Variants in EYS observed in about 807,000 individuals in gnomAD.
EYS encodes the protein protein eyes shut homolog.
EYS carries 250 observed loss-of-function variants against 282.1 expected under a neutral mutation model. The ratio of observed to expected loss-of-function variants is 0.89; its 90% CI spans 0.80 to 0.98. The LOEUF is 0.98. Ranked by LOEUF, EYS falls within the 50% of genes least tolerant of loss-of-function variation. EYS has a pLI of 0.00. For synonymous variants in EYS, 1,355 were observed against 1,282.9 expected (o/e 1.06, Z -1.20); for missense variants, 4,016 against 3,709.0 (o/e 1.08, Z -2.15).
Position 64,498,857 on chromosome 6 carries a change from G to T in EYS, c.5645-59505C>A, listed in dbSNP as rs1487055794. On this transcript the variant is annotated intron_variant, in intron 26 of 42. Transcript: ENST00000503581. ...ATATGTGCCACATTTTCTTTATCCA[G>T]TCTATCATTAGTGGGCACTGGGTTG... is the stretch of plus-strand genomic sequence containing the variant. Among the ~76,000 whole-genome samples the T allele has an allele frequency of 3.3e-5, 5 of 152,188 alleles. No homozygotes were observed. In the East Asian group the frequency reaches 9.7e-4, roughly 29 times the overall value.
At chr6:63,800,630 C>T (rs890593952) in intron 37 of EYS, among the ~76,000 whole-genome samples, 5 of 151,982 alleles carry the variant, frequency 3.3e-5, no homozygotes, top group East Asian at 1.9e-4. Context: ...GATGAAACCG[C>T]GTCTCTATTA....
In EYS at chr6:65,007,831, A is replaced by G. The variant is rs184295149; in HGVS notation, c.2138-10128T>C. On this transcript the variant is annotated intron_variant, in intron 13 of 42. Coordinates refer to ENST00000503581, the MANE Select transcript of EYS (RefSeq NM_001142800.2). ...AAAGCAAATTAAAATAGACCTAGGT[A>G]AATTCTCAGATAACCCTGATGGCTA... Among the ~76,000 whole-genome samples, 283 of 152,334 alleles carry G rather than the reference A, an allele frequency of 1.9e-3. 2 individuals are homozygous for G. Among genetic ancestry groups the G allele is most frequent in the African/African-American group, 6.7e-3 (279 of 41,574 alleles).
At chr6:63,837,128 A>C (rs1345834559) in intron 36 of EYS, among the ~76,000 whole-genome samples, 1 of 152,020 alleles carries the variant, frequency 6.6e-6, no homozygotes, top group Admixed American at 6.6e-5. Flanking sequence ...ATTTGAATTC[A>C]AAAAAATATA....
At chr6:65,462,979 C>T (rs1582328500) in intron 5 of EYS, among the ~76,000 whole-genome samples, 4 of 151,986 alleles carry the variant, frequency 2.6e-5, no homozygotes, top group Admixed American at 1.3e-4. Flanking sequence ...TTTCTTTTCT[C>T]ACATGGATAA....
At chr6:64,202,909 T>C (rs1271069689) in intron 31 of EYS, among the ~76,000 whole-genome samples, 1 of 152,198 alleles carries the variant, frequency 6.6e-6, no homozygotes, top group East Asian at 1.9e-4. Context: ...TTGGAGAAAG[T>C]GTGGCCATGC....
intron 26 of EYS, among the ~76,000 whole-genome samples, chr6:64,540,596 C>T (rs900246900): frequency 2.0e-5 from 3 of 151,246 alleles, no homozygotes; most frequent in Non-Finnish European, 1.5e-5. Flanking sequence ...AATTCACCAG[C>T]CTCAGCCTCC....
At chr6:63,994,298 C>T (rs1767734963) in intron 34 of EYS, among the ~76,000 whole-genome samples, 1 of 151,842 alleles carries the variant, frequency 6.6e-6, no homozygotes, top group African/African-American at 2.4e-5. Flanking sequence ...AGTGGCAAGC[C>T]TTAAGTAGGA....
intron 36 of EYS, among the ~76,000 whole-genome samples, chr6:63,859,924 G>A (rs1331033963): frequency 6.6e-6 from 1 of 152,154 alleles, no homozygotes; most frequent in Admixed American, 6.6e-5. Flanking sequence ...TAATTTGGAA[G>A]AAAAGTGCTA....
intron 12 of EYS, among the ~76,000 whole-genome samples, chr6:65,178,352 C>G (rs1765281397): frequency 6.6e-6 from 1 of 151,930 alleles, no homozygotes; most frequent in African/African-American, 2.4e-5. Flanking sequence ...CTTTACTACC[C>G]AGGCGCCAGC....
intron 12 of EYS, among the ~76,000 whole-genome samples, chr6:65,277,028 C>A (rs1170224898): frequency 6.6e-6 from 1 of 152,156 alleles, no homozygotes; most frequent in Admixed American, 6.5e-5. Flanking sequence ...CCAAAATTCA[C>A]ATGTTGAAAT....
intron 36 of EYS, among the ~76,000 whole-genome samples, chr6:63,821,066 TCTG>T (rs1464200917): frequency 1.3e-5 from 2 of 152,022 alleles, no homozygotes; most frequent in Non-Finnish European, 2.9e-5. Flanking sequence ...TATCTTCTCA[TCTG>T]CTAGCATGGC....
At chr6:65,007,382 CTT>C (rs1483403092) in intron 13 of EYS, among the ~76,000 whole-genome samples, 2 of 152,134 alleles carry the variant, frequency 1.3e-5, no homozygotes, top group African/African-American at 2.4e-5. Context: ...AAAGAAATGA[CTT>C]ATATTCTTCT....
At chr6:64,923,179 C>T (rs1182783111) in intron 15 of EYS, among the ~76,000 whole-genome samples, 1 of 152,066 alleles carries the variant, frequency 6.6e-6, no homozygotes, top group African/African-American at 2.4e-5. Context: ...GGACTTACAG[C>T]TCCACATGGC....
At chr6:63,908,043 T>TATATAC (rs1318760852) in intron 35 of EYS, among the ~76,000 whole-genome samples, 10 of 41,538 alleles carry the variant, frequency 2.4e-4, no homozygotes, top group African/African-American at 2.3e-3. Context: ...CGTTTGTGTG[T>TATATAC]GTGTGTGTGT....
chr6:64,192,413 C>T (rs991745945), intron 31 of EYS, among the ~76,000 whole-genome samples: 1 of 152,126 alleles, frequency 6.6e-6, no homozygotes. Context: ...CTGCATCACG[C>T]TACCTGACTT....
intron 16 of EYS, among the ~76,000 whole-genome samples, chr6:64,904,084 T>C (rs905812785): frequency 6.6e-6 from 1 of 152,104 alleles, no homozygotes; most frequent in Non-Finnish European, 1.5e-5. Context: ...CAGAAGAAAC[T>C]ACAAGATATC....
intron 7 of EYS, among the ~76,000 whole-genome samples, chr6:65,387,451 T>C (rs1410200310): frequency 6.6e-6 from 1 of 151,700 alleles, no homozygotes; most frequent in Non-Finnish European, 1.5e-5. Context: ...ATGTATTTTT[T>C]CAAAATATTA....
intron 22 of EYS, among the ~76,000 whole-genome samples, chr6:64,691,037 G>A (rs1495546): frequency 0.69 from 104,058 of 151,296 alleles, 36,786 homozygotes; most frequent in Non-Finnish European, 0.78. Flanking sequence ...TATTAAAAGA[G>A]GAAAATATAA....
In EYS at chr6:65,510,153, C is replaced by T. The variant is rs568618479; in HGVS notation, c.-332-14160G>A. On this transcript the variant is annotated intron_variant, in intron 2 of 42. Transcript: ENST00000503581. ...GTCATCTAGCATTAGGTATATCTCCCAATGCTATCCCTCCCCCCTCCCCCC... is the reference window on the plus strand; with the variant it reads ...GTCATCTAGCATTAGGTATATCTCCTAATGCTATCCCTCCCCCCTCCCCCC... Among the ~76,000 whole-genome samples, 615 of 145,138 alleles carry T rather than the reference C, an allele frequency of 4.2e-3. 3 individuals carry two copies. The highest frequency in any genetic ancestry group is 0.014 in the African/African-American group (534 of 39,358).
Sources: allele counts gnomAD v4.1 joint callset (sites outside exome capture counted in the v4.1 genomes callset), GRCh38; gene constraint gnomAD v4.1.1; transcripts MANE v1.5; gene names NCBI Gene and HGNC (gene_info 2026-07-23, HGNC 2026-07-21).